The following SYT1 variants were observed in gnomAD, a reference collection of about 807,000 sequenced individuals.
SYT1 encodes synaptotagmin-1.
SYT1 carries 8 observed loss-of-function variants against 44.8 expected under a neutral mutation model. The observed-to-expected ratio is 0.18, with a 90% CI of 0.10 to 0.32. The LOEUF (loss-of-function observed/expected upper bound fraction) is 0.32. SYT1 is among the 10% of genes least tolerant of loss of function. SYT1 has a pLI of 1.00. For synonymous variants in SYT1, 154 were observed against 188.8 expected, an observed-to-expected ratio of 0.82 and a Z score of 1.51; for missense variants, 286 against 509.3, an observed-to-expected ratio of 0.56 and a Z score of 4.22.
intron 2 of SYT1, among the ~76,000 whole-genome samples, chr12:78,991,432 G>A (rs531330675): frequency 1.1e-4 from 17 of 151,828 alleles, no homozygotes; most frequent in Non-Finnish European, 1.9e-4. Context: ...GGCCTATAGC[G>A]AATGAAAAAA....
chr12:79,402,860 T>C (rs1885118932), intron 9 of SYT1, among the ~76,000 whole-genome samples: 2 of 152,252 alleles, frequency 1.3e-5, no homozygotes, highest in Admixed American at 6.5e-5. Flanking sequence ...TCAGCTCTTC[T>C]GGTTAAACCA....
In SYT1 at chr12:79,206,346, C is replaced by T. The variant is rs546099417; in HGVS notation, c.-17-11157C>T. On this transcript the variant is annotated intron_variant, in intron 3 of 10. Coordinates refer to ENST00000261205, the MANE Select transcript of SYT1 (RefSeq NM_005639.3). ...AAAGCCAATATTAAAAGGTTTCAGA[C>T]GACAACCCAGATGCAGATCCCTTCT... 1.3e-4 allele frequency among the ~76,000 whole-genome samples: 20 copies of T among 152,196 alleles called. No individual in the cohort carries two copies. In the South Asian group the frequency reaches 1.9e-3, roughly 14 times the overall value.
Position 78,911,492 on chromosome 12 carries a change from A to G in SYT1, c.-217+46383A>G, listed in dbSNP as rs566277118. The stretch of plus-strand genomic sequence containing the variant: ...AATAAGCCTGCAAGCTGATAGAGGA[A>G]AGACTAAAATAAGGCAAATATGTGA... On this transcript the variant is annotated intron_variant, in intron 1 of 10. Coordinates refer to ENST00000261205, the MANE Select transcript of SYT1 (RefSeq NM_005639.3). 2.7e-5 allele frequency among the ~76,000 whole-genome samples: 4 copies of G among 150,744 alleles called. No individual in the cohort carries two copies. The East Asian group carries it at 7.9e-4, about 30-fold the overall frequency.
intron 2 of SYT1, among the ~76,000 whole-genome samples, chr12:79,019,200 G>A (rs1427031356): frequency 2.0e-5 from 3 of 151,990 alleles, no homozygotes; most frequent in Non-Finnish European, 4.4e-5. Flanking sequence ...GAGAAGTATT[G>A]TCAAATAAAG....
intron 2 of SYT1, among the ~76,000 whole-genome samples, chr12:79,020,344 G>T (rs1376865838): frequency 6.6e-6 from 1 of 151,806 alleles, no homozygotes; most frequent in Non-Finnish European, 1.5e-5. Context: ...CAGATTTTTT[G>T]AGCCTAGGAA....
chr12:79,255,584 AC>A (rs1381840725), intron 4 of SYT1, among the ~76,000 whole-genome samples: 74 of 152,328 alleles, frequency 4.9e-4, no homozygotes, highest in African/African-American at 1.7e-3. Context: ...TGGGAAAGGA[AC>A]CTACTATTCT....
At chr12:79,353,047 A>G (rs1882974263) in intron 8 of SYT1, among the ~76,000 whole-genome samples, 1 of 152,212 alleles carries the variant, frequency 6.6e-6, no homozygotes, top group Admixed American at 6.5e-5. Flanking sequence ...TTTCCCAAAA[A>G]CCTAGAGTAT....
chr12:79,372,095 C>T (rs1883812646), intron 9 of SYT1, among the ~76,000 whole-genome samples: 1 of 152,206 alleles, frequency 6.6e-6, no homozygotes, highest in Admixed American at 6.5e-5. Flanking sequence ...CCATGGTGCA[C>T]TGGAGTTATC....
chr12:79,187,260 A>G (rs180697479), intron 3 of SYT1, among the ~76,000 whole-genome samples: 10 of 152,194 alleles, frequency 6.6e-5, no homozygotes, highest in South Asian at 4.1e-4. Context: ...CACCCAAAAT[A>G]GCTTTTTAAA....
intron 4 of SYT1, among the ~76,000 whole-genome samples, chr12:79,237,702 C>T (rs1201637084): frequency 6.6e-6 from 1 of 152,104 alleles, no homozygotes. Flanking sequence ...GCAATCTACC[C>T]TTATAGTGTT....
intron 9 of SYT1, among the ~76,000 whole-genome samples, chr12:79,357,067 C>A (rs1163891975): frequency 2.0e-5 from 3 of 152,132 alleles, no homozygotes; most frequent in Non-Finnish European, 4.4e-5. Context: ...ATTAACAAAA[C>A]ATTTGAGAAA....
intron 8 of SYT1, among the ~76,000 whole-genome samples, chr12:79,324,491 A>G (rs1338120527): frequency 6.6e-6 from 1 of 152,160 alleles, no homozygotes; most frequent in African/African-American, 2.4e-5. Context: ...TGAGTGGGCC[A>G]TTGTAACTTA....
chr12:79,219,602 G>A (rs371849139), intron 4 of SYT1, among the ~76,000 whole-genome samples: 1 of 152,016 alleles, frequency 6.6e-6, no homozygotes, highest in Non-Finnish European at 1.5e-5. Context: ...TAAAGAGGCT[G>A]TTCTTTCTCC....
At chr12:79,021,137 A>C (rs1872162545) in intron 2 of SYT1, among the ~76,000 whole-genome samples, 1 of 151,928 alleles carries the variant, frequency 6.6e-6, no homozygotes, top group African/African-American at 2.4e-5. Flanking sequence ...CAGCTATAAA[A>C]ACATCCTTGC....
At chr12:78,871,314 A>G (rs954035992) in intron 1 of SYT1, among the ~76,000 whole-genome samples, 1 of 152,044 alleles carries the variant, frequency 6.6e-6, no homozygotes, top group Non-Finnish European at 1.5e-5. Flanking sequence ...GAGTTTCTGC[A>G]AGTATAAACA....
chr12:79,234,938 TG>T (rs1876099669), intron 4 of SYT1, among the ~76,000 whole-genome samples: 1 of 152,150 alleles, frequency 6.6e-6, no homozygotes, highest in South Asian at 2.1e-4. Context: ...CTCTTTCTCT[TG>T]GCTTCGTGAT....
chr12:78,882,006 G>T (rs941139441), intron 1 of SYT1, among the ~76,000 whole-genome samples: 1 of 151,506 alleles, frequency 6.6e-6, no homozygotes, highest in Non-Finnish European at 1.5e-5. Flanking sequence ...TGCACAATTT[G>T]CAATTATATA....
chr12:79,163,306 C>A (rs1301980694), intron 3 of SYT1, among the ~76,000 whole-genome samples: 1 of 152,074 alleles, frequency 6.6e-6, no homozygotes, highest in Non-Finnish European at 1.5e-5. Flanking sequence ...AGAGAACATT[C>A]TCTTCCTGTT....
Position 79,188,740 on chromosome 12 carries a change from T to C in SYT1, c.-17-28763T>C, listed in dbSNP as rs143302390. Among the ~76,000 whole-genome samples the C allele has an allele frequency of 5.5e-3, 839 of 152,226 alleles. 7 individuals are homozygous for C. The highest frequency in any genetic ancestry group is 0.019 in the African/African-American group (793 of 41,538). On this transcript the variant is annotated intron_variant, in intron 3 of 10. Coordinates refer to ENST00000261205, the MANE Select transcript of SYT1 (RefSeq NM_005639.3). ...AGCATCACTCCAAAAAATAATTTGC[T>C]TTTTTCCCCCCACAAAGAGTAAGGA... is the stretch of plus-strand genomic sequence containing the variant.
Sources: gnomAD v4.1 joint callset for allele counts (sites outside exome capture counted in the v4.1 genomes callset) on GRCh38, gnomAD v4.1.1 for gene constraint, MANE v1.5 for transcripts, NCBI Gene and HGNC (gene_info 2026-07-23, HGNC 2026-07-21) for gene names.